The following SEMA3C variants were observed in gnomAD, a reference collection of about 807,000 sequenced individuals.
SEMA3C encodes the protein semaphorin 3C, also known as semaphorin-3C.
SEMA3C carries 47 observed loss-of-function variants against 89.4 expected under a neutral mutation model. The ratio of observed to expected loss-of-function variants is 0.53; its 90% confidence interval spans 0.42 to 0.67. The LOEUF (loss-of-function observed/expected upper bound fraction) is 0.67, where lower values mean the gene tolerates loss of function less well. Among genes scored for constraint, SEMA3C ranks in the 30% least tolerant of loss-of-function variants. SEMA3C has a pLI of 0.00. For synonymous variants in SEMA3C, 310 were observed against 320.2 expected, an observed-to-expected ratio of 0.97 and a Z score of 0.34; for missense variants, 839 against 929.1, an observed-to-expected ratio of 0.90 and a Z score of 1.26.
At chr7:80,756,250 T>C (rs1261826058) in intron 15 of SEMA3C, among the ~76,000 whole-genome samples, 2 of 152,234 alleles carry the variant, frequency 1.3e-5, no homozygotes, top group East Asian at 3.9e-4. Context: ...TGGATCATTT[T>C]TGACTCCTCT....
chr7:80,863,686 T>C (rs1290274153), intron 2 of SEMA3C, among the ~76,000 whole-genome samples: 1 of 149,280 alleles, frequency 6.7e-6, no homozygotes, highest in Admixed American at 6.7e-5. Flanking sequence ...CACATATATA[T>C]ACACACACAT....
At chr7:80,914,200 G>A (rs1435502733) in intron 2 of SEMA3C, among the ~76,000 whole-genome samples, 1 of 152,046 alleles carries the variant, frequency 6.6e-6, no homozygotes, top group African/African-American at 2.4e-5. Flanking sequence ...TTAGAAATAC[G>A]AACTAGAAGT....
chr7:80,882,741 C>T (rs929425093), intron 2 of SEMA3C, among the ~76,000 whole-genome samples: 1 of 151,822 alleles, frequency 6.6e-6, no homozygotes, highest in Non-Finnish European at 1.5e-5. Context: ...TGGATATATT[C>T]TTTTTCTTTT....
In SEMA3C at chr7:80,748,930, G is replaced by A; in HGVS notation, c.1810C>T (p.Leu604=). ...PKSPQASIKW[L]LQKDKDRRKE... is the part of the protein sequence containing the mutation. ...CTCCTGTCTTTGTCTTTCTGTAACAGCCACTTGATAGATGCCTGCGGAGAC... is the reference window on the plus strand; with the variant it reads ...CTCCTGTCTTTGTCTTTCTGTAACAACCACTTGATAGATGCCTGCGGAGAC... The change falls in exon 17 of 18, where the codon CTG becomes TTG. Residue 604 remains leucine (L), a synonymous_variant. Coordinates refer to ENST00000265361, the MANE Select transcript of SEMA3C (RefSeq NM_006379.5). 6.2e-7 allele frequency: 1 copy of A among 1,613,112 alleles called. No individual in the cohort carries two copies. Among genetic ancestry groups the A allele is most frequent in the Non-Finnish European group, 8.5e-7 (1 of 1,179,562 alleles).
chr7:80,906,160 G>T (rs954287491), intron 2 of SEMA3C, among the ~76,000 whole-genome samples: 8 of 151,994 alleles, frequency 5.3e-5, no homozygotes, highest in African/African-American at 1.4e-4. Context: ...TCTATTGTTG[G>T]AACTTCATAC....
At chr7:80,914,676 C>G (rs1792228386) in intron 2 of SEMA3C, among the ~76,000 whole-genome samples, 1 of 152,040 alleles carries the variant, frequency 6.6e-6, no homozygotes, top group Non-Finnish European at 1.5e-5. Flanking sequence ...CAGTAATACA[C>G]CTGAGAAGAA....
At chr7:80,878,099 C>T (rs929624510) in intron 2 of SEMA3C, among the ~76,000 whole-genome samples, 1 of 152,064 alleles carries the variant, frequency 6.6e-6, no homozygotes, top group Non-Finnish European at 1.5e-5. Context: ...AAAATGAGGC[C>T]GGGTGCGGTG....
intron 2 of SEMA3C, among the ~76,000 whole-genome samples, chr7:80,885,759 A>T (rs192205686): frequency 7.2e-5 from 11 of 152,358 alleles, no homozygotes; most frequent in African/African-American, 2.6e-4. Context: ...ATTTATATTT[A>T]AAATCAGTTT....
chr7:80,790,998 T>C (rs563277826), intron 11 of SEMA3C, among the ~76,000 whole-genome samples: 9 of 152,206 alleles, frequency 5.9e-5, no homozygotes, highest in African/African-American at 2.2e-4. Flanking sequence ...CATTATATCA[T>C]TGATTGTATC....
chr7:80,908,851 A>G (rs1270372708), intron 2 of SEMA3C, among the ~76,000 whole-genome samples: 1 of 152,158 alleles, frequency 6.6e-6, no homozygotes, highest in African/African-American at 2.4e-5. Flanking sequence ...TTAAGTAATA[A>G]AGTGTTCACC....
intron 2 of SEMA3C, among the ~76,000 whole-genome samples, chr7:80,878,374 G>A (rs1000187176): frequency 5.9e-5 from 9 of 151,940 alleles, no homozygotes; most frequent in South Asian, 2.1e-4. Flanking sequence ...GCAAAACTCC[G>A]TCTCAAAAAA....
chr7:80,795,553 T>C (rs1476841176), intron 11 of SEMA3C, among the ~76,000 whole-genome samples: 1 of 152,200 alleles, frequency 6.6e-6, no homozygotes, highest in Non-Finnish European at 1.5e-5. Context: ...AAATGGTCAT[T>C]CTTGAGAGCT....
chr7:80,747,620 A>C (rs530860631), intron 17 of SEMA3C, among the ~76,000 whole-genome samples: 3 of 152,192 alleles, frequency 2.0e-5, no homozygotes, highest in Non-Finnish European at 4.4e-5. Context: ...TATCCATTCA[A>C]AATAATTGAA....
At chr7:80,894,227 T>C (rs2116163491) in intron 2 of SEMA3C, among the ~76,000 whole-genome samples, 1 of 152,258 alleles carries the variant, frequency 6.6e-6, no homozygotes, top group South Asian at 2.1e-4. Context: ...CCATTTTTCT[T>C]ATTTAAATGT....
rs576035307 is a variant in SEMA3C, at chr7:80,803,407, T to C, written c.802-628A>G. 9.8e-5 allele frequency among the ~76,000 whole-genome samples: 15 copies of C among 152,316 alleles called. No individual in the cohort carries two copies. In the East Asian group the frequency reaches 1.9e-3, roughly 20 times the overall value. ...ACTTCGCTGCCTTGTTGCAAATGAC[T>C]GAGAAACAGTTGAGCTCCATGATCA... On this transcript the variant is annotated intron_variant, in intron 8 of 17. Coordinates refer to ENST00000265361, the MANE Select transcript of SEMA3C (RefSeq NM_006379.5).
At chr7:80,893,975 C>A (rs1471872773) in intron 2 of SEMA3C, among the ~76,000 whole-genome samples, 1 of 152,122 alleles carries the variant, frequency 6.6e-6, no homozygotes, top group African/African-American at 2.4e-5. Context: ...ACTTTAATTA[C>A]CATTTCTACA....
chr7:80,851,836 T>C (rs1382164550), intron 2 of SEMA3C, among the ~76,000 whole-genome samples: 1 of 152,136 alleles, frequency 6.6e-6, no homozygotes, highest in African/African-American at 2.4e-5. Context: ...AATTGAAATA[T>C]ACCTGCCTAA....
intron 2 of SEMA3C, among the ~76,000 whole-genome samples, chr7:80,838,453 T>C (rs1790188084): frequency 6.6e-6 from 1 of 152,070 alleles, no homozygotes; most frequent in Admixed American, 6.6e-5. Flanking sequence ...ACTATACATC[T>C]TGTAGGAAAA....
chr7:80,877,041 G>A (rs766708949), intron 2 of SEMA3C, among the ~76,000 whole-genome samples: 11 of 152,124 alleles, frequency 7.2e-5, no homozygotes, highest in Non-Finnish European at 1.5e-4. Context: ...CAGGCAGGGC[G>A]CCATCTGTCA....
Sources: allele counts gnomAD v4.1 joint callset (sites outside exome capture counted in the v4.1 genomes callset), GRCh38; gene constraint gnomAD v4.1.1; transcripts MANE v1.5; gene names NCBI Gene and HGNC (gene_info 2026-07-23, HGNC 2026-07-21).